The following CDS2 variants were observed in gnomAD, a reference collection of about 807,000 sequenced individuals.
CDS2 encodes CDP-diacylglycerol synthase 2.
CDS2 carries 47 observed loss-of-function variants against 59.0 expected under a neutral mutation model. The ratio of observed to expected loss-of-function variants is 0.80; its 90% confidence interval spans 0.63 to 1.02. CDS2 has a LOEUF of 1.02. Ranked by LOEUF, CDS2 falls within the 50% of genes least tolerant of loss-of-function variation. The pLI is 0.00. For missense variants in CDS2, 356 were observed against 558.9 expected (o/e 0.64, Z 3.66); for synonymous variants, 207 against 206.4 (o/e 1.00, Z -0.02).
Position 5,163,883 on chromosome 20 carries a change from C to A in CDS2, c.58-9640C>A, listed in dbSNP as rs538116351. ...TCGGCTCACTGCAGCCTCTACCTCC[C>A]AGGTTCAAGCAGTTCTCTTGCCTCA... On this transcript the variant is annotated intron_variant, in intron 1 of 12. Coordinates refer to ENST00000460006, the MANE Select transcript of CDS2 (RefSeq NM_003818.4). Among the ~76,000 whole-genome samples the A allele has an allele frequency of 2.1e-3, 324 of 151,442 alleles. 1 individual carries two copies. Among genetic ancestry groups the A allele is most frequent in the African/African-American group, 7.3e-3 (302 of 41,232 alleles).
At chr20:5,130,022 G>T (rs1174412646) in intron 1 of CDS2, among the ~76,000 whole-genome samples, 1 of 151,978 alleles carries the variant, frequency 6.6e-6, no homozygotes, top group Admixed American at 6.6e-5. Context: ...GCCCAGGCTG[G>T]AGTGCAATGG....
In CDS2 at chr20:5,194,354, G is replaced by A. The variant is rs1163980128; in HGVS notation, c.*4120G>A. ...TGGTCACGAAGGATTCTTATCTCAG[G>A]GCTCTGCCTGGCCCACCTTCTCTTG... On this transcript the variant is annotated 3_prime_UTR_variant, in exon 13 of 13. Transcript: ENST00000460006. The A allele has an allele frequency of 1.3e-5, 2 of 152,162 alleles. No homozygotes were observed. Among genetic ancestry groups the A allele is most frequent in the African/African-American group, 2.4e-5 (1 of 41,426 alleles). 9.4% of individuals were successfully genotyped at this position (152,162 alleles called of 1,614,324 possible).
chr20:5,167,419 T>C (rs1176008249), intron 1 of CDS2, among the ~76,000 whole-genome samples: 1 of 152,142 alleles, frequency 6.6e-6, no homozygotes, highest in African/African-American at 2.4e-5. Context: ...TTCTGTTTGG[T>C]GTTTTGTTCT....
chr20:5,134,240 A>G (rs1297964274), intron 1 of CDS2, among the ~76,000 whole-genome samples: 1 of 152,178 alleles, frequency 6.6e-6, no homozygotes, highest in African/African-American at 2.4e-5. Flanking sequence ...CTTGGAAGAA[A>G]TGCTTTCCAG....
intron 10 of CDS2, among the ~76,000 whole-genome samples, chr20:5,188,419 G>A (rs1353423601): frequency 2.0e-5 from 3 of 152,132 alleles, no homozygotes; most frequent in African/African-American, 4.8e-5. Flanking sequence ...ATCTGCGTAC[G>A]GCTGGATTTT....
chr20:5,180,969 CAA>C (rs2091029743), intron 5 of CDS2, among the ~76,000 whole-genome samples: 2 of 152,178 alleles, frequency 1.3e-5, no homozygotes, highest in South Asian at 4.1e-4. Flanking sequence ...AGCTCGGACA[CAA>C]AGTGATATCT....
intron 1 of CDS2, among the ~76,000 whole-genome samples, chr20:5,144,483 C>T (rs921464323): frequency 2.0e-5 from 3 of 152,178 alleles, no homozygotes; most frequent in African/African-American, 7.2e-5. Flanking sequence ...CCTGAACTCG[C>T]AAACTTTAAT....
At chr20:5,164,323 G>GT (rs1400871292) in intron 1 of CDS2, among the ~76,000 whole-genome samples, 1 of 152,140 alleles carries the variant, frequency 6.6e-6, no homozygotes, top group East Asian at 1.9e-4. Context: ...AGTAGGGGAG[G>GT]TTGGGGCATG....
chr20:5,186,850 C>T lies in CDS2; in HGVS notation c.981+11C>T. On this transcript the variant is annotated intron_variant, in intron 10 of 12. Transcript: ENST00000460006. Reference sequence around the variant, plus strand: ...TCAGTCATTGGCTGGGTATGTGCCACTCACAGGGGGTGAGCGGCCTCCATG... The same window carrying T: ...TCAGTCATTGGCTGGGTATGTGCCATTCACAGGGGGTGAGCGGCCTCCATG... The T allele has an allele frequency of 6.2e-7, 1 of 1,614,004 alleles. No homozygotes were observed. The highest frequency in any genetic ancestry group is 8.5e-7 in the Non-Finnish European group (1 of 1,179,942).
intron 1 of CDS2, among the ~76,000 whole-genome samples, chr20:5,157,236 C>T (rs755097022): frequency 5.9e-5 from 9 of 152,092 alleles, no homozygotes; most frequent in Non-Finnish European, 1.2e-4. Context: ...TTTTCTGACA[C>T]AGTGTAGGCT....
intron 10 of CDS2, 58 bp from the exon 11 acceptor site, chr20:5,189,009 C>CA: frequency 6.2e-7 from 1 of 1,606,834 alleles, no homozygotes; most frequent in East Asian, 2.2e-5. Flanking sequence ...GTTGACAACT[C>CA]AAACCGTAAC....
chr20:5,158,765 T>C (rs578148730), intron 1 of CDS2, among the ~76,000 whole-genome samples: 38 of 152,328 alleles, frequency 2.5e-4, no homozygotes, highest in African/African-American at 8.9e-4. Context: ...AGGAATTTAA[T>C]ACTGGGTGAT....
intron 10 of CDS2, chr20:5,187,879 CA>C (rs147307441): frequency 0.056 from 3,529 of 63,454 alleles, 98 homozygotes; most frequent in African/African-American, 0.16. Context: ...GAGACTGTCT[CA>C]AAAAAAAAAA....
At chr20:5,144,029 T>C (rs2122975997) in intron 1 of CDS2, among the ~76,000 whole-genome samples, 1 of 152,268 alleles carries the variant, frequency 6.6e-6, no homozygotes, top group Admixed American at 6.5e-5. Flanking sequence ...CTTCTCAAAC[T>C]GCTGGGATCA....
chr20:5,128,183 G>T (rs1411250074), intron 1 of CDS2: 1 of 152,246 alleles, frequency 6.6e-6, no homozygotes, highest in Non-Finnish European at 1.5e-5. Context: ...TTTGTCACCT[G>T]CTCAATGGTT....
chr20:5,132,965 C>T (rs2090619470), intron 1 of CDS2, among the ~76,000 whole-genome samples: 1 of 150,450 alleles, frequency 6.6e-6, no homozygotes, highest in Admixed American at 6.6e-5. Flanking sequence ...GAGGTCAGGA[C>T]ATTGAGACCA....
intron 5 of CDS2, among the ~76,000 whole-genome samples, chr20:5,179,581 T>C (rs866756187): frequency 6.6e-6 from 1 of 152,336 alleles, no homozygotes; most frequent in African/African-American, 2.4e-5. Flanking sequence ...ACAAAAATCA[T>C]CTAGGAACTT....
intron 1 of CDS2, among the ~76,000 whole-genome samples, chr20:5,129,122 G>T (rs1026765389): frequency 6.6e-6 from 1 of 152,126 alleles, no homozygotes; most frequent in African/African-American, 2.4e-5. Context: ...AATGCCTGGG[G>T]TCATGAGGTC....
At chr20:5,155,428 A>G (rs1377327048) in intron 1 of CDS2, among the ~76,000 whole-genome samples, 2 of 152,222 alleles carry the variant, frequency 1.3e-5, no homozygotes, top group East Asian at 3.9e-4. Flanking sequence ...ACTTTTTATA[A>G]TCTCAAAGTC....
Sources: allele counts gnomAD v4.1 joint callset (sites outside exome capture counted in the v4.1 genomes callset), GRCh38; gene constraint gnomAD v4.1.1; transcripts MANE v1.5; gene names NCBI Gene and HGNC (gene_info 2026-07-23, HGNC 2026-07-21).